DERL1: variants seen among roughly 807,000 people sequenced by gnomAD.
DERL1 encodes the protein derlin-1.
DERL1 carries 24 observed loss-of-function variants against 41.6 expected under a neutral mutation model. The observed-to-expected ratio is 0.58, with a 90% confidence interval of 0.42 to 0.81. DERL1 has a LOEUF of 0.81. Among genes scored for constraint, DERL1 ranks in the 30% least tolerant of loss-of-function variants. DERL1 has a pLI of 0.00. For missense variants in DERL1, 260 were observed against 314.3 expected (o/e 0.83, Z 1.31); for synonymous variants, 124 against 112.5 (o/e 1.10, Z -0.65).
In DERL1 at chr8:123,042,288, G is replaced by T. The variant is rs979671055; in HGVS notation, c.-166C>A. 2 of 938,976 alleles carry T rather than the reference G, an allele frequency of 2.1e-6. No individual in the cohort carries two copies. Among genetic ancestry groups the T allele is most frequent in the Non-Finnish European group, 3.0e-6 (2 of 668,778 alleles). 58.2% of individuals were successfully genotyped at this position (938,976 alleles called of 1,614,324 possible). A position where few individuals can be genotyped will look rare whatever the true frequency, so the allele number is the denominator to read the frequency against. On this transcript the variant is annotated 5_prime_UTR_variant, in exon 1 of 8. It adds an upstream start codon to the 5' untranslated region. Transcript: ENST00000259512. ...ACGTGGCGCCACCGAATTCGGACCA[G>T]CGAGGCAGCCTTCTGAGGCGAAACT... is the stretch of plus-strand genomic sequence containing the variant.
rs752307104 is a variant in DERL1, at chr8:123,041,960, C to T, written c.153+10G>A. On this transcript the variant is annotated intron_variant, in intron 1 of 7. Coordinates refer to ENST00000259512, the MANE Select transcript of DERL1 (RefSeq NM_024295.6). The stretch of plus-strand genomic sequence containing the variant: ...CTGTAGTCTCCACGCCCCCCGTCTC[C>T]GGTAAGTACCTGAAAGCGATAAAGG... 3.1e-6 allele frequency: 5 copies of T among 1,600,212 alleles called. No homozygotes were observed. The highest frequency in any genetic ancestry group is 4.3e-6 in the Non-Finnish European group (5 of 1,171,064).
chr8:123,039,101 G>A lies in DERL1; in HGVS notation c.153+2869C>T, dbSNP rs142779705. Among the ~76,000 whole-genome samples, 389 of 152,182 alleles carry A rather than the reference G, an allele frequency of 2.6e-3. 1 individual carries two copies. Among genetic ancestry groups the A allele is most frequent in the African/African-American group, 8.7e-3 (360 of 41,492 alleles). On this transcript the variant is annotated intron_variant, in intron 1 of 7. Coordinates refer to ENST00000259512, the MANE Select transcript of DERL1 (RefSeq NM_024295.6). ...CCCATTCACTCTTTATATCCATTCG[G>A]CTGTAATCTCGTCCCCTCTGCCAAG...
chr8:123,028,933 G>T (rs1053610081), intron 2 of DERL1, among the ~76,000 whole-genome samples: 1 of 151,830 alleles, frequency 6.6e-6, no homozygotes, highest in Non-Finnish European at 1.5e-5. Context: ...CAGGTGTGGC[G>T]GTTTAACACC....
chr8:123,019,399 G>T, intron 6 of DERL1, 94 bp from the exon 7 acceptor site: 2 of 849,346 alleles, frequency 2.4e-6, no homozygotes, highest in East Asian at 2.6e-5. Context: ...CTTCAAGGCA[G>T]CCCATTTAGT....
chr8:123,029,996 G>A (rs768601033), intron 2 of DERL1, among the ~76,000 whole-genome samples: 2 of 152,062 alleles, frequency 1.3e-5, no homozygotes, highest in African/African-American at 4.8e-5. Context: ...AGAGGCAGAG[G>A]CTACAGTGAA....
chr8:123,015,715 G>A, intron 7 of DERL1, 130 bp from the exon 8 acceptor site: 1 of 1,189,386 alleles, frequency 8.4e-7, no homozygotes, highest in South Asian at 2.0e-5. Flanking sequence ...AGGCAGCGAG[G>A]GACGTCTTAT....
intron 5 of DERL1, 59 bp downstream of exon 5, chr8:123,022,625 C>G: frequency 3.3e-6 from 5 of 1,527,092 alleles, no homozygotes; most frequent in Admixed American, 1.7e-5. Flanking sequence ...CATCTCTGGA[C>G]TGAAGAGGGA....
chr8:123,030,865 A>G (rs1281574127), intron 1 of DERL1, 149 bp from the exon 2 acceptor site: 2 of 628,972 alleles, frequency 3.2e-6, no homozygotes, highest in Admixed American at 3.4e-5. Context: ...CAACTGAAGA[A>G]AAGTGTTCAC....
chr8:123,039,962 A>G (rs1813007001), intron 1 of DERL1, among the ~76,000 whole-genome samples: 1 of 152,238 alleles, frequency 6.6e-6, no homozygotes. Flanking sequence ...TCACGCCTCT[A>G]ATCCCAGCAC....
At chr8:123,021,523 A>G in intron 5 of DERL1, 24 bp from the exon 6 acceptor site, 1 of 1,608,238 alleles carries the variant, frequency 6.2e-7, no homozygotes, top group Non-Finnish European at 8.5e-7. Flanking sequence ...AATATATGCA[A>G]ATGTGAGTAG....
In DERL1 at chr8:123,031,205, T is replaced by TA. The variant is rs538139912; in HGVS notation, c.154-490dup. On this transcript the variant is annotated intron_variant, in intron 1 of 7. Coordinates refer to ENST00000259512, the MANE Select transcript of DERL1 (RefSeq NM_024295.6). ...ATAGGCAATAGGGGCACTTTTTCTT[T>TA]AAAAACATTTCCCTGAAAAAACAAA... is the stretch of plus-strand genomic sequence containing the variant. 1.3e-3 allele frequency among the ~76,000 whole-genome samples: 203 copies of TA among 152,264 alleles called. 1 individual carries two copies. The highest frequency in any genetic ancestry group is 4.4e-3 in the African/African-American group (184 of 41,554).
intron 1 of DERL1, among the ~76,000 whole-genome samples, chr8:123,035,278 A>C (rs1563635203): frequency 1.3e-5 from 2 of 152,208 alleles, no homozygotes; most frequent in Non-Finnish European, 1.5e-5. Context: ...AAAAGACTTA[A>C]TATTATTTTT....
chr8:123,019,939 T>C (rs1162626333), intron 6 of DERL1, among the ~76,000 whole-genome samples: 1 of 152,228 alleles, frequency 6.6e-6, no homozygotes, highest in Non-Finnish European at 1.5e-5. Flanking sequence ...TGTCTTCACC[T>C]GCAACATGAT....
intron 1 of DERL1, among the ~76,000 whole-genome samples, chr8:123,034,360 T>C (rs749296247): frequency 6.6e-6 from 1 of 152,210 alleles, no homozygotes; most frequent in African/African-American, 2.4e-5. Context: ...AGAAACAGGA[T>C]AGTTTAGTGG....
chr8:123,019,348 G>T, intron 6 of DERL1, 43 bp from the exon 7 acceptor site: 1 of 1,383,062 alleles, frequency 7.2e-7, no homozygotes, highest in South Asian at 1.2e-5. Context: ...TCAAGCAATA[G>T]AGATGCACCA....
At chr8:123,025,300 T>C (rs1563631521) in intron 2 of DERL1, among the ~76,000 whole-genome samples, 1 of 152,220 alleles carries the variant, frequency 6.6e-6, no homozygotes, top group Non-Finnish European at 1.5e-5. Flanking sequence ...ATGCTCTGAC[T>C]ACCACAGGCT....
chr8:123,014,810 G>T lies in DERL1; in HGVS notation c.*637C>A, dbSNP rs1814510717. On this transcript the variant is annotated 3_prime_UTR_variant, in exon 8 of 8. Transcript: ENST00000259512. ...GTGGTACTTTTTTATAAAAATATCT[G>T]AAGAAGTGGCAAACGGTTACAACGG... is the stretch of plus-strand genomic sequence containing the variant. 6.6e-6 allele frequency: 1 copy of T among 152,200 alleles called. No homozygotes were observed. The highest frequency in any genetic ancestry group is 1.5e-5 in the Non-Finnish European group (1 of 68,042). The allele number at this position is 152,200 out of a possible 1,614,324, so 9.4% of individuals were successfully genotyped here.
chr8:123,015,880 A>G (rs947079864), intron 7 of DERL1: 7 of 236,288 alleles, frequency 3.0e-5, no homozygotes, highest in Non-Finnish European at 4.9e-5. Flanking sequence ...CAGTATGGAA[A>G]CAAAAATATT....
intron 1 of DERL1, 144 bp from the exon 2 acceptor site, chr8:123,030,860 GAAGAA>G: frequency 1.6e-6 from 1 of 629,558 alleles, no homozygotes; most frequent in Admixed American, 3.4e-5. Context: ...GAAAACAACT[GAAGAA>G]AAGTGTTCAC....
Sources: gnomAD v4.1 joint callset for allele counts (sites outside exome capture counted in the v4.1 genomes callset) on GRCh38, gnomAD v4.1.1 for gene constraint, MANE v1.5 for transcripts, NCBI Gene and HGNC (gene_info 2026-07-23, HGNC 2026-07-21) for gene names.